NXPH2: variants seen among roughly 807,000 people sequenced by gnomAD.
NXPH2 encodes the protein neurexophilin-2.
NXPH2 carries 5 observed loss-of-function variants against 19.8 expected under a neutral mutation model. The ratio of observed to expected loss-of-function variants is 0.25; its 90% CI spans 0.13 to 0.53. NXPH2 has a LOEUF of 0.53. NXPH2 is among the 20% of genes least tolerant of loss of function. NXPH2 has a pLI of 0.96. For synonymous variants in NXPH2, 154 were observed against 127.4 expected (o/e 1.21, Z -1.41); for missense variants, 289 against 322.8 (o/e 0.90, Z 0.80).
intron 1 of NXPH2, among the ~76,000 whole-genome samples, chr2:138,762,876 AG>A (rs1682038189): frequency 6.6e-6 from 1 of 152,202 alleles, no homozygotes; most frequent in South Asian, 2.1e-4. Flanking sequence ...ATACAGACCA[AG>A]CTTGGCTCCT....
chr2:138,711,434 C>T lies in NXPH2; in HGVS notation c.52-39769G>A, dbSNP rs1681104923. On this transcript the variant is annotated intron_variant, in intron 1 of 1. Coordinates refer to ENST00000272641, the MANE Select transcript of NXPH2 (RefSeq NM_007226.3). ...GGGATTACAGGCGTGAGCCACCGCG[C>T]CCGGCCCCTGTCACTCTTATACCTT... is the stretch of plus-strand genomic sequence containing the variant. 2.6e-5 allele frequency among the ~76,000 whole-genome samples: 4 copies of T among 152,112 alleles called. 1 individual carries two copies. In the South Asian group the frequency reaches 8.3e-4, roughly 32 times the overall value.
intron 1 of NXPH2, among the ~76,000 whole-genome samples, chr2:138,747,016 T>C (rs769626210): frequency 6.6e-6 from 1 of 152,096 alleles, no homozygotes; most frequent in Non-Finnish European, 1.5e-5. Context: ...CAAATCAAGG[T>C]TTCATCAAAT....
chr2:138,705,654 A>T (rs1480306914), intron 1 of NXPH2, among the ~76,000 whole-genome samples: 7 of 152,314 alleles, frequency 4.6e-5, no homozygotes, highest in Admixed American at 3.3e-4. Flanking sequence ...GGAGCTAACT[A>T]TCTCCCAAGG....
At chr2:138,737,625 T>C (rs545042630) in intron 1 of NXPH2, among the ~76,000 whole-genome samples, 21 of 152,310 alleles carry the variant, frequency 1.4e-4, no homozygotes, top group South Asian at 4.2e-4. Context: ...AGTTGGTGTG[T>C]TTCTGGAATG....
At chr2:138,772,620 A>G (rs1022696628) in intron 1 of NXPH2, among the ~76,000 whole-genome samples, 4 of 152,060 alleles carry the variant, frequency 2.6e-5, no homozygotes, top group Non-Finnish European at 4.4e-5. Flanking sequence ...TCTAAATAGA[A>G]CTCCAGATTA....
At chr2:138,739,275 G>T (rs1014851225) in intron 1 of NXPH2, among the ~76,000 whole-genome samples, 1 of 152,182 alleles carries the variant, frequency 6.6e-6, no homozygotes, top group Admixed American at 6.5e-5. Context: ...AAGAGAAAGA[G>T]AACGAGGGCC....
chr2:138,774,275 T>A (rs942390961), intron 1 of NXPH2, among the ~76,000 whole-genome samples: 27 of 152,312 alleles, frequency 1.8e-4, no homozygotes, highest in African/African-American at 6.0e-4. Flanking sequence ...TTTTTATTGA[T>A]TTTGCTGATT....
intron 1 of NXPH2, among the ~76,000 whole-genome samples, chr2:138,763,062 T>C (rs1682042471): frequency 6.6e-6 from 1 of 152,164 alleles, no homozygotes; most frequent in African/African-American, 2.4e-5. Context: ...ATAATCACTT[T>C]AATTAAGACT....
At chr2:138,779,502 C>A (rs891669700) in intron 1 of NXPH2, among the ~76,000 whole-genome samples, 1 of 152,260 alleles carries the variant, frequency 6.6e-6, no homozygotes, top group South Asian at 2.1e-4. Flanking sequence ...GCCACCCAGA[C>A]CAGGCGGGCG....
chr2:138,720,156 A>C (rs965396493), intron 1 of NXPH2, among the ~76,000 whole-genome samples: 1 of 152,178 alleles, frequency 6.6e-6, no homozygotes, highest in Non-Finnish European at 1.5e-5. Flanking sequence ...TGAAAAAAAA[A>C]CAGAGGCTAT....
intron 1 of NXPH2, among the ~76,000 whole-genome samples, chr2:138,697,477 T>C (rs1333415264): frequency 6.6e-6 from 1 of 152,046 alleles, no homozygotes; most frequent in Non-Finnish European, 1.5e-5. Context: ...TGGGTACCCA[T>C]TAAAATTATG....
chr2:138,730,907 C>T (rs1681437881), intron 1 of NXPH2, among the ~76,000 whole-genome samples: 1 of 152,178 alleles, frequency 6.6e-6, no homozygotes, highest in South Asian at 2.1e-4. Context: ...ATAACACCAT[C>T]TCGGGTCTTC....
intron 1 of NXPH2, among the ~76,000 whole-genome samples, chr2:138,759,054 C>A (rs1274257499): frequency 1.3e-5 from 2 of 152,104 alleles, no homozygotes; most frequent in African/African-American, 2.4e-5. Flanking sequence ...TTTTTAACTT[C>A]TTTTGAACTT....
At chr2:138,741,540 C>T (rs1681641893) in intron 1 of NXPH2, among the ~76,000 whole-genome samples, 1 of 152,166 alleles carries the variant, frequency 6.6e-6, no homozygotes, top group Non-Finnish European at 1.5e-5. Flanking sequence ...GTGAAAGATG[C>T]ACAAGCTGAT....
At chr2:138,679,062 T>C (rs938386156) in intron 1 of NXPH2, among the ~76,000 whole-genome samples, 2 of 152,224 alleles carry the variant, frequency 1.3e-5, no homozygotes, top group African/African-American at 2.4e-5. Context: ...AGGTTCATCA[T>C]TGTGATAGCT....
In NXPH2 at chr2:138,670,940, T is replaced by C. The variant is rs1426801261; in HGVS notation, c.777A>G (p.Pro259=). The C allele has an allele frequency of 6.2e-7, 1 of 1,613,146 alleles. No individual in the cohort carries two copies. The highest frequency in any genetic ancestry group is 1.3e-5 in the African/African-American group (1 of 74,900). Residue 259 remains proline (P), a synonymous_variant, in exon 2 of 2, where the codon CCA becomes CCG. Coordinates refer to ENST00000272641, the MANE Select transcript of NXPH2 (RefSeq NM_007226.3). ...AGGAAGATCAGCCAGAAGATAAGTA[T>C]GGGGTCTCACTATGGTAATTGTAGT... is the stretch of plus-strand genomic sequence containing the variant. ...CPDYNYHSET[P]YLSSG
At chr2:138,774,653 A>G (rs138854370) in intron 1 of NXPH2, among the ~76,000 whole-genome samples, 62 of 152,306 alleles carry the variant, frequency 4.1e-4, no homozygotes, top group African/African-American at 1.4e-3. Context: ...AGACACATAC[A>G]CACTCACAGG....
rs774722026 is a variant in NXPH2 at position 138,780,218 on chromosome 2, G to C, written c.24C>G (p.Leu8=). The C allele has an allele frequency of 6.8e-6, 10 of 1,470,056 alleles. No homozygotes were observed. In the South Asian group the frequency reaches 9.2e-5, roughly 14 times the overall value. 91.1% of individuals were successfully genotyped at this position (1,470,056 alleles called of 1,614,324 possible). ...GCTGCAGCAAGCCAGGGACCACCACGAGGGGCAGCGGCCGCAGGCGCATGG... is the reference window on the plus strand; with the variant it reads ...GCTGCAGCAAGCCAGGGACCACCACCAGGGGCAGCGGCCGCAGGCGCATGG... The part of the protein sequence containing the change: MRLRPLP[L]VVVPGLLQLL... The change falls in exon 1 of 2, where the codon CTC becomes CTG. Residue 8 remains leucine (L), a synonymous_variant. Coordinates refer to ENST00000272641, the MANE Select transcript of NXPH2 (RefSeq NM_007226.3).
intron 1 of NXPH2, among the ~76,000 whole-genome samples, chr2:138,712,073 A>G (rs1315575221): frequency 6.6e-6 from 1 of 152,176 alleles, no homozygotes; most frequent in African/African-American, 2.4e-5. Flanking sequence ...GAGGCACTTA[A>G]CTTTGAGCAG....
Sources: gnomAD v4.1 joint callset for allele counts (sites outside exome capture counted in the v4.1 genomes callset) on GRCh38, gnomAD v4.1.1 for gene constraint, MANE v1.5 for transcripts, NCBI Gene and HGNC (gene_info 2026-07-23, HGNC 2026-07-21) for gene names.